Variants in FOXP1 observed in about 807,000 individuals in gnomAD.
The protein encoded by FOXP1 is forkhead box P1.
A neutral mutation model predicts 98.2 loss-of-function variants in FOXP1; 15 were observed. The observed-to-expected ratio is 0.15, with a 90% CI of 0.10 to 0.24. The LOEUF is 0.24. Ranked by LOEUF, FOXP1 falls within the 10% of genes least tolerant of loss-of-function variation. FOXP1 has a pLI of 1.00. For synonymous variants in FOXP1, 371 were observed against 314.5 expected, an observed-to-expected ratio of 1.18 and a Z score of -1.90; for missense variants, 633 against 848.5, an observed-to-expected ratio of 0.75 and a Z score of 3.15.
chr3:71,407,443 TA>T (rs1264676014), intron 3 of FOXP1, among the ~76,000 whole-genome samples: 2 of 152,236 alleles, frequency 1.3e-5, no homozygotes, highest in Non-Finnish European at 1.5e-5. Context: ...AAGCCAGAGT[TA>T]CATTATGCAC....
At chr3:71,202,194 G>C (rs1231293141) in intron 5 of FOXP1, among the ~76,000 whole-genome samples, 2 of 152,358 alleles carry the variant, frequency 1.3e-5, no homozygotes, top group Middle Eastern at 3.4e-3. Flanking sequence ...AAGCCAAGCA[G>C]CTTGGCTTGT....
At chr3:71,123,119 T>G (rs1234758926) in intron 6 of FOXP1, among the ~76,000 whole-genome samples, 1 of 152,136 alleles carries the variant, frequency 6.6e-6, no homozygotes, top group African/African-American at 2.4e-5. Context: ...CTGCCCACAT[T>G]TACATGGCAT....
intron 7 of FOXP1, chr3:71,064,873 C>A (rs2052175419): frequency 2.3e-5 from 22 of 958,954 alleles, no homozygotes; most frequent in Admixed American, 1.3e-4. Flanking sequence ...GCTCGGGGCG[C>A]CCGCGCGGGC....
At chr3:71,130,735 G>A in intron 6 of FOXP1, 2 of 1,483,476 alleles carry the variant, frequency 1.3e-6, no homozygotes, top group East Asian at 2.5e-5. Flanking sequence ...AGCTGGCTGG[G>A]CTCTCACTAA....
chr3:71,468,821 T>A (rs1236358304), intron 3 of FOXP1, among the ~76,000 whole-genome samples: 38 of 152,238 alleles, frequency 2.5e-4, no homozygotes, highest in Admixed American at 2.4e-3. Context: ...GACACAAGCA[T>A]CAGTGTGAAA....
intron 12 of FOXP1, among the ~76,000 whole-genome samples, chr3:71,011,571 G>A (rs1027584547): frequency 6.6e-6 from 1 of 152,080 alleles, no homozygotes; most frequent in Admixed American, 6.6e-5. Context: ...TGTACCACTG[G>A]ACTTCCTAGC....
intron 3 of FOXP1, among the ~76,000 whole-genome samples, chr3:71,378,649 G>C (rs914227298): frequency 6.6e-6 from 1 of 152,078 alleles, no homozygotes; most frequent in South Asian, 2.1e-4. Flanking sequence ...CAAAGTCGAA[G>C]AGTAGTGATG....
At chr3:71,439,901 G>A (rs1372487593) in intron 3 of FOXP1, among the ~76,000 whole-genome samples, 3 of 148,380 alleles carry the variant, frequency 2.0e-5, no homozygotes, top group African/African-American at 7.5e-5. Context: ...ATCGGAGATT[G>A]CACCATTGCA....
chr3:71,176,195 GTGTGA>G (rs1322610541), intron 6 of FOXP1, among the ~76,000 whole-genome samples: 1 of 152,216 alleles, frequency 6.6e-6, no homozygotes, highest in Non-Finnish European at 1.5e-5. Context: ...TCCTGTCAGT[GTGTGA>G]CAGCTGTTTG....
intron 6 of FOXP1, among the ~76,000 whole-genome samples, chr3:71,135,325 AG>A (rs147488825): frequency 6.6e-6 from 1 of 150,388 alleles, no homozygotes; most frequent in Non-Finnish European, 1.5e-5. Context: ...CTGAAAAAGG[AG>A]GGGGGACCAA....
intron 7 of FOXP1, among the ~76,000 whole-genome samples, chr3:71,110,857 GC>G (rs1403627815): frequency 6.6e-6 from 1 of 152,186 alleles, no homozygotes; most frequent in Non-Finnish European, 1.5e-5. Flanking sequence ...CCTGACATGG[GC>G]CCTCAATGGC....
chr3:71,578,087 TA>T (rs2047869851), intron 2 of FOXP1, among the ~76,000 whole-genome samples: 1 of 151,338 alleles, frequency 6.6e-6, no homozygotes, highest in African/African-American at 2.4e-5. Flanking sequence ...AAAAAAAAAT[TA>T]AAAACAAAAA....
chr3:71,044,985 C>T (rs2048829858), intron 10 of FOXP1, among the ~76,000 whole-genome samples: 1 of 152,110 alleles, frequency 6.6e-6, no homozygotes, highest in Non-Finnish European at 1.5e-5. Context: ...TGTTCTAGTC[C>T]AACATGACTG....
intron 3 of FOXP1, among the ~76,000 whole-genome samples, chr3:71,448,120 AC>A: frequency 6.6e-6 from 1 of 152,242 alleles, no homozygotes; most frequent in Middle Eastern, 3.4e-3. Flanking sequence ...TGGGGACGGA[AC>A]CCCAGCACAG....
chr3:71,060,692 T>C (rs1334484441), intron 7 of FOXP1, among the ~76,000 whole-genome samples: 1 of 152,136 alleles, frequency 6.6e-6, no homozygotes, highest in African/African-American at 2.4e-5. Flanking sequence ...AAGTACAAAA[T>C]AACAAGCCCT....
chr3:71,302,323 G>A (rs770943362), intron 4 of FOXP1, among the ~76,000 whole-genome samples: 1 of 151,866 alleles, frequency 6.6e-6, no homozygotes, highest in Admixed American at 6.6e-5. Context: ...TAGAAGAATT[G>A]GAAACCAACA....
intron 6 of FOXP1, among the ~76,000 whole-genome samples, chr3:71,127,845 C>T (rs530678387): frequency 7.6e-4 from 115 of 152,258 alleles, no homozygotes; most frequent in African/African-American, 2.6e-3. Context: ...CAAAGGGCTC[C>T]GTATAAATAC....
At chr3:71,244,736 CCT>C (rs1439505845) in intron 5 of FOXP1, 3 of 151,712 alleles carry the variant, frequency 2.0e-5, no homozygotes, top group African/African-American at 7.2e-5. Flanking sequence ...AAGCACTGCA[CCT>C]CTCTGTTTGG....
intron 5 of FOXP1, among the ~76,000 whole-genome samples, chr3:71,253,149 A>G (rs970823852): frequency 4.6e-5 from 7 of 152,208 alleles, no homozygotes; most frequent in African/African-American, 1.7e-4. Context: ...AAGGTCAAAA[A>G]AATCCTTCAA....
Sources: allele counts gnomAD v4.1 joint callset (sites outside exome capture counted in the v4.1 genomes callset), GRCh38; gene constraint gnomAD v4.1.1; transcripts MANE v1.5; gene names NCBI Gene and HGNC (gene_info 2026-07-23, HGNC 2026-07-21).